Variants in SLIT1 observed in about 807,000 individuals in gnomAD.
SLIT1 encodes slit guidance ligand 1.
A neutral mutation model predicts 186.1 loss-of-function variants in SLIT1; 66 were observed. That is an observed-to-expected ratio of 0.35 (90% CI 0.29 to 0.44). The LOEUF (loss-of-function observed/expected upper bound fraction) is 0.44, where lower values mean the gene tolerates loss of function less well. SLIT1 is among the 20% of genes least tolerant of loss of function. The pLI, the probability that SLIT1 is intolerant of heterozygous loss-of-function variation, is 1.00. For synonymous variants in SLIT1, 761 were observed against 833.8 expected (o/e 0.91, Z 1.50); for missense variants, 1,638 against 2,037.4 (o/e 0.80, Z 3.77).
chr10:97,076,372 A>G (rs1241651048), intron 4 of SLIT1, among the ~76,000 whole-genome samples: 1 of 152,066 alleles, frequency 6.6e-6, no homozygotes, highest in Non-Finnish European at 1.5e-5. Context: ...ATCAATACCC[A>G]TGGGTGGGAC....
intron 11 of SLIT1, 108 bp downstream of exon 11, chr10:97,059,352 G>C (rs1015367719): frequency 2.3e-6 from 2 of 881,406 alleles, no homozygotes; most frequent in East Asian, 2.5e-5. Flanking sequence ...CTGTGTGGAG[G>C]GGGGCATAGC....
intron 4 of SLIT1, among the ~76,000 whole-genome samples, chr10:97,121,356 A>G (rs1849558427): frequency 6.6e-6 from 1 of 151,932 alleles, no homozygotes; most frequent in Non-Finnish European, 1.5e-5. Flanking sequence ...TGATCTGTCT[A>G]CTCTGCTCTT....
intron 4 of SLIT1, among the ~76,000 whole-genome samples, chr10:97,132,449 C>T (rs1309394518): frequency 6.6e-6 from 1 of 152,218 alleles, no homozygotes; most frequent in Non-Finnish European, 1.5e-5. Flanking sequence ...ACCTTCAGAA[C>T]TGCCCCCATG....
At chr10:97,180,326 A>G (rs577549125) in intron 1 of SLIT1, among the ~76,000 whole-genome samples, 1 of 152,308 alleles carries the variant, frequency 6.6e-6, no homozygotes, top group Admixed American at 6.5e-5. Context: ...AATCCTCATG[A>G]CCACCCTTTG....
At position 97,180,772 on chromosome 10, in the gene SLIT1, C is replaced by G. The variant is rs143001403; in HGVS notation, c.197+4706G>C. 9.1e-4 allele frequency among the ~76,000 whole-genome samples: 139 copies of G among 152,364 alleles called. 1 individual carries two copies. Among genetic ancestry groups the G allele is most frequent in the Middle Eastern group, 3.4e-3 (1 of 294 alleles). ...GCGCTCTAAACAGACAGACTGCGCT[C>G]TAAGCAGACAGACTGCAAGAGAGGC... is the stretch of plus-strand genomic sequence containing the variant. On this transcript the variant is annotated intron_variant, in intron 1 of 36. Coordinates refer to ENST00000266058, the MANE Select transcript of SLIT1 (RefSeq NM_003061.3).
chr10:97,164,777 G>A (rs1850080310), intron 2 of SLIT1, 42 bp downstream of exon 2: 2 of 1,448,718 alleles, frequency 1.4e-6, no homozygotes, highest in Admixed American at 1.7e-5. Context: ...GACTGCCGTG[G>A]CATTGCCAGG....
At chr10:97,123,560 G>T (rs1849578218) in intron 4 of SLIT1, among the ~76,000 whole-genome samples, 1 of 152,134 alleles carries the variant, frequency 6.6e-6, no homozygotes, top group African/African-American at 2.4e-5. Flanking sequence ...GCTGAGGCAG[G>T]TGGATCACTT....
rs141130521 is a variant in SLIT1, at chr10:97,037,757, G to A, written c.2307C>T (p.Asp769=). 1.9e-4 allele frequency: 298 copies of A among 1,606,258 alleles called. No homozygotes were observed. Among genetic ancestry groups the A allele is most frequent in the Middle Eastern group, 6.6e-4 (4 of 6,028 alleles). The stretch of plus-strand genomic sequence containing the variant: ...CCGGAACCAGCGTGAACTGGTTCCC[G>A]TCCAAATAGCTGCAGAGAGAACACA... The part of the protein sequence containing the change: ...IPKNVTELYL[D]GNQFTLVPGQ... The change falls in exon 22 of 37, where the codon GAC becomes GAT. Residue 769 remains aspartate (D), a synonymous_variant. Transcript: ENST00000266058.
At chr10:97,131,144 C>T (rs1320032498) in intron 4 of SLIT1, among the ~76,000 whole-genome samples, 4 of 152,154 alleles carry the variant, frequency 2.6e-5, no homozygotes, top group East Asian at 1.9e-4. Context: ...CCCTGTCAGT[C>T]GGCACCAAAG....
rs758693004 is a variant in SLIT1 at position 97,001,347 on chromosome 10, G to A, written c.4370C>T (p.Ser1457Phe). The A allele has an allele frequency of 1.9e-6, 3 of 1,611,336 alleles. No individual in the cohort carries two copies. Among genetic ancestry groups the A allele is most frequent in the Non-Finnish European group, 2.5e-6 (3 of 1,178,780 alleles). Reference protein sequence around the residue: ...GFSGELCEQESECRGDPVRDF... With the variant: ...GFSGELCEQEFECRGDPVRDF... ...CCGGACAGGGTCCCCCCGGCACTCG[G>A]ACTCTGGATGGGACAGACACCAAGA... Residue 1457 changes from serine to phenylalanine, a missense_variant, in exon 37 of 37, where the codon TCC becomes TTC. Ser to Phe is a radical substitution (Grantham distance 155). Coordinates refer to ENST00000266058, the MANE Select transcript of SLIT1 (RefSeq NM_003061.3).
intron 1 of SLIT1, among the ~76,000 whole-genome samples, chr10:97,173,632 G>A (rs894251456): frequency 4.6e-5 from 7 of 151,874 alleles, no homozygotes; most frequent in African/African-American, 1.2e-4. Flanking sequence ...CAAAGCCAGC[G>A]TTGGCCTCAA....
intron 4 of SLIT1, among the ~76,000 whole-genome samples, chr10:97,075,298 T>C (rs530023634): frequency 1.3e-5 from 2 of 152,172 alleles, no homozygotes; most frequent in Non-Finnish European, 2.9e-5. Flanking sequence ...CATGGTAAAA[T>C]GGGAATAATT....
In SLIT1 at chr10:97,021,090, A is replaced by C. The variant is rs965329828; in HGVS notation, c.2746+160T>G. ...TGGCTCTTTTTGTCCATGATATGTC[A>C]GGATTGGAAGGCAGCCATCAAGCCG... On this transcript the variant is annotated intron_variant, in intron 26 of 36. Transcript: ENST00000266058. The surrounding 1 kb of genome is among the most constrained non-coding windows in gnomAD (Gnocchi z 4.5). Among the ~76,000 whole-genome samples the C allele has an allele frequency of 1.6e-4, 24 of 152,154 alleles. No individual in the cohort carries two copies. The highest frequency in any genetic ancestry group is 5.1e-4 in the African/African-American group (21 of 41,424).
intron 4 of SLIT1, among the ~76,000 whole-genome samples, chr10:97,107,289 C>T (rs553564645): frequency 4.3e-4 from 65 of 152,354 alleles, no homozygotes; most frequent in South Asian, 1.9e-3. Context: ...GCTTTGTCAA[C>T]GGTAACGTGT....
At chr10:97,181,372 C>A (rs777495416) in intron 1 of SLIT1, among the ~76,000 whole-genome samples, 1 of 152,256 alleles carries the variant, frequency 6.6e-6, no homozygotes, top group Non-Finnish European at 1.5e-5. Context: ...TTCAAACAGG[C>A]TCCCCAGAGG....
intron 26 of SLIT1, among the ~76,000 whole-genome samples, chr10:97,020,801 C>T (rs534754944): frequency 1.2e-3 from 184 of 152,328 alleles, no homozygotes; most frequent in Middle Eastern, 6.8e-3. Context: ...TGGAGGGTCC[C>T]GGGGCAAAGC....
intron 1 of SLIT1, among the ~76,000 whole-genome samples, chr10:97,180,345 C>T (rs1268735272): frequency 2.0e-5 from 3 of 152,224 alleles, no homozygotes; most frequent in Admixed American, 6.5e-5. Context: ...TGGAGCAGGC[C>T]CTATCATCAT....
chr10:97,106,886 A>G (rs1849420415), intron 4 of SLIT1, among the ~76,000 whole-genome samples: 1 of 152,246 alleles, frequency 6.6e-6, no homozygotes, highest in Admixed American at 6.5e-5. Flanking sequence ...TCTTTGGGAG[A>G]GAAATGCCAC....
intron 28 of SLIT1, among the ~76,000 whole-genome samples, chr10:97,017,020 A>G (rs1848459705): frequency 6.6e-6 from 1 of 152,200 alleles, no homozygotes. Context: ...CAGGTGCCCC[A>G]GAGAGCCTTG....
Sources: gnomAD v4.1 joint callset for allele counts (sites outside exome capture counted in the v4.1 genomes callset) on GRCh38, gnomAD v4.1.1 for gene constraint, Gnocchi (gnomAD v3.1) non-coding constraint, MANE v1.5 for transcripts, NCBI Gene and HGNC (gene_info 2026-07-23, HGNC 2026-07-21) for gene names.